The following IQCH variants were observed in gnomAD, a reference collection of about 807,000 sequenced individuals.
IQCH encodes IQ motif containing H.
A neutral mutation model predicts 117.0 loss-of-function variants in IQCH; 98 were observed. That is an observed-to-expected ratio of 0.84 (90% confidence interval 0.71 to 0.99). The LOEUF (loss-of-function observed/expected upper bound fraction) is 0.99, where lower values mean the gene tolerates loss of function less well. Ranked by LOEUF, IQCH falls within the 50% of genes least tolerant of loss-of-function variation. The pLI, the probability that IQCH is intolerant of heterozygous loss-of-function variation, is 0.00. For missense variants in IQCH, 1,102 were observed against 1,243.8 expected (o/e 0.89, Z 1.72); for synonymous variants, 412 against 448.2 (o/e 0.92, Z 1.02).
Position 67,501,286 on chromosome 15 carries a change from C to A in IQCH, c.*540C>A, listed in dbSNP as rs918181109. 6.6e-6 allele frequency: 1 copy of A among 151,976 alleles called. No individual in the cohort carries two copies. The highest frequency in any genetic ancestry group is 2.4e-5 in the African/African-American group (1 of 41,378). 9.4% of individuals were successfully genotyped at this position (151,976 alleles called of 1,614,324 possible). A position where few individuals can be genotyped will look rare whatever the true frequency, so the allele number is the denominator to read the frequency against. Reference sequence around the variant, plus strand: ...TATCATTCATCGTGTTTTTGTTATACCAAGCCACTATTGTCTGCTATTGTT... The same window carrying A: ...TATCATTCATCGTGTTTTTGTTATAACAAGCCACTATTGTCTGCTATTGTT... On this transcript the variant is annotated 3_prime_UTR_variant, in exon 21 of 21. Transcript: ENST00000335894. The surrounding 1 kb of genome is among the most constrained non-coding windows in gnomAD (Gnocchi z 5.2).
intron 1 of IQCH, among the ~76,000 whole-genome samples, chr15:67,260,496 T>C (rs1226739972): frequency 6.6e-6 from 1 of 152,238 alleles, no homozygotes; most frequent in Non-Finnish European, 1.5e-5. Context: ...AGACCCAGCC[T>C]GGAATGGAAA....
intron 16 of IQCH, among the ~76,000 whole-genome samples, chr15:67,444,094 C>G (rs763726755): frequency 6.6e-6 from 1 of 152,168 alleles, no homozygotes; most frequent in Non-Finnish European, 1.5e-5. Flanking sequence ...CCCCCCACAA[C>G]CACTATCACC....
intron 4 of IQCH, among the ~76,000 whole-genome samples, chr15:67,305,139 AG>A (rs1321835484): frequency 6.6e-6 from 1 of 152,120 alleles, no homozygotes; most frequent in African/African-American, 2.4e-5. Flanking sequence ...ACAATTACTG[AG>A]GTAACATCTC....
Position 67,475,152 on chromosome 15 carries a change from TGAAATA to T in IQCH, c.2677-537_2677-532del, listed in dbSNP as rs776168780. On this transcript the variant is annotated intron_variant, in intron 17 of 20. Transcript: ENST00000335894. This position sits in a 1 kb window ranked among gnomAD's most constrained non-coding sequence, Gnocchi z 5.7. ...AAAAAAGGAATTAGGGAAAAACTAATGAAATAGAAATAAAGTATGGATTTATGTTAA... is the reference window on the plus strand; with the variant it reads ...AAAAAAGGAATTAGGGAAAAACTAATGAAATAAAGTATGGATTTATGTTAA... Among the ~76,000 whole-genome samples, 22 of 152,094 alleles carry T rather than the reference TGAAATA, an allele frequency of 1.4e-4. No homozygotes were observed. Among genetic ancestry groups the T allele is most frequent in the Non-Finnish European group, 1.5e-5 (1 of 68,020 alleles).
chr15:67,440,237 A>G (rs904427902), intron 16 of IQCH, among the ~76,000 whole-genome samples: 3 of 152,230 alleles, frequency 2.0e-5, no homozygotes, highest in African/African-American at 7.2e-5. Context: ...AAAAGTTACC[A>G]ACCAAAAAAG....
chr15:67,465,023 G>T lies in IQCH; in HGVS notation c.2506-104G>T, dbSNP rs2082895218. 9.9e-7 allele frequency: 1 copy of T among 1,008,786 alleles called. No individual in the cohort carries two copies. Among genetic ancestry groups the T allele is most frequent in the Non-Finnish European group, 1.5e-6 (1 of 668,142 alleles). 62.5% of individuals were successfully genotyped at this position (1,008,786 alleles called of 1,614,324 possible). ...TACTCCATTAAGACACATGGTCACT[G>T]GTTTCACTTAGTCTGATGTAGTTTG... On this transcript the variant is annotated intron_variant, in intron 16 of 20. Coordinates refer to ENST00000335894, the MANE Select transcript of IQCH (RefSeq NM_001031715.3). The surrounding 1 kb of genome is among the most constrained non-coding windows in gnomAD (Gnocchi z 5.9).
At chr15:67,383,851 A>G (rs1596294021) in intron 10 of IQCH, among the ~76,000 whole-genome samples, 1 of 152,186 alleles carries the variant, frequency 6.6e-6, no homozygotes. Context: ...CTTTTAGATG[A>G]TTGTAAAGTC....
intron 12 of IQCH, among the ~76,000 whole-genome samples, chr15:67,392,737 A>C (rs1197946659): frequency 1.4e-5 from 2 of 143,624 alleles, no homozygotes; most frequent in Non-Finnish European, 1.5e-5. Flanking sequence ...TGTTTGCACC[A>C]CTGCACTCCA....
intron 4 of IQCH, among the ~76,000 whole-genome samples, chr15:67,319,583 T>G (rs1968016253): frequency 6.6e-6 from 1 of 152,220 alleles, no homozygotes; most frequent in Admixed American, 6.5e-5. Flanking sequence ...GTACTGATTG[T>G]GGAAATAAAG....
At chr15:67,373,804 C>T (rs1158380205) in intron 10 of IQCH, 2 of 325,734 alleles carry the variant, frequency 6.1e-6, no homozygotes, top group Non-Finnish European at 1.1e-5. Flanking sequence ...CGCCAATAAG[C>T]CAGGATATTG....
chr15:67,498,872 C>A (rs61156110), intron 20 of IQCH, among the ~76,000 whole-genome samples: 20,941 of 152,078 alleles, frequency 0.14, 1,649 homozygotes, highest in African/African-American at 0.2. Flanking sequence ...ATAATATTTG[C>A]AAATCATATA....
rs879557316 is a variant in IQCH, at chr15:67,275,229, CT to C, written c.270-4165del. On this transcript the variant is annotated intron_variant, in intron 3 of 20. Transcript: ENST00000335894. ...TCAGGAACCCAAGGTGATAGGGAAG[CT>C]GGTTGTCAACCTTGATCTCACTTTA... 2.1e-4 allele frequency among the ~76,000 whole-genome samples: 32 copies of C among 152,302 alleles called. No individual in the cohort carries two copies. In the East Asian group the frequency reaches 2.3e-3, roughly 11 times the overall value.
In IQCH at chr15:67,475,843, G is replaced by C. The variant is rs1405819191; in HGVS notation, c.2799+25G>C. 1.9e-6 allele frequency: 3 copies of C among 1,609,796 alleles called. No homozygotes were observed. The highest frequency in any genetic ancestry group is 2.5e-6 in the Non-Finnish European group (3 of 1,176,932). On this transcript the variant is annotated intron_variant, in intron 18 of 20. Coordinates refer to ENST00000335894, the MANE Select transcript of IQCH (RefSeq NM_001031715.3). This position sits in a 1 kb window ranked among gnomAD's most constrained non-coding sequence, Gnocchi z 5.7. ...GGTATGAAGGGTTACAGTTGGCCAG[G>C]GGCGGCCAAAGACATGCCTGTGGGT...
rs1386169606 is a variant in IQCH at position 67,395,460 on chromosome 15, A to G, written c.1802A>G (p.Glu601Gly). The change falls in exon 13 of 21, where the codon GAA becomes GGA. Residue 601 changes from glutamate (E) to glycine (G), a missense_variant. Physicochemically the swap from Glu to Gly is moderately conservative, Grantham distance 98. Transcript: ENST00000335894. The surrounding 1 kb of genome is among the most constrained non-coding windows in gnomAD (Gnocchi z 4.0). ...LDIPILGSEPELAHLYSTKSG... is the reference protein window; with the variant it reads ...LDIPILGSEPGLAHLYSTKSG... ...ATACCCATCCTGGGCTCTGAGCCTG[A>G]ACTAGCTCATCTTTATAGTACCAAA... 6.2e-7 allele frequency: 1 copy of G among 1,614,082 alleles called. No homozygotes were observed. The highest frequency in any genetic ancestry group is 1.7e-5 in the Admixed American group (1 of 60,006).
chr15:67,456,148 GA>G lies in IQCH; in HGVS notation c.2506-8978del, dbSNP rs1349882427. Among the ~76,000 whole-genome samples, 1 of 147,276 alleles carries G rather than the reference GA, an allele frequency of 6.8e-6. No individual in the cohort carries two copies. The highest frequency in any genetic ancestry group is 1.5e-5 in the Non-Finnish European group (1 of 66,452). On this transcript the variant is annotated intron_variant, in intron 16 of 20. Transcript: ENST00000335894. The surrounding 1 kb of genome is among the most constrained non-coding windows in gnomAD (Gnocchi z 5.1). ...AGCAAGAGTATATTAAAAGATTTGT[GA>G]TTTTTTTTTACAAAGGTGAAAAGTA...
intron 4 of IQCH, among the ~76,000 whole-genome samples, chr15:67,314,867 T>A (rs1159788890): frequency 6.6e-6 from 1 of 152,132 alleles, no homozygotes; most frequent in East Asian, 1.9e-4. Context: ...TCGAAGAAAA[T>A]ATTCTTTAGG....
rs992681786 is a variant in IQCH, at chr15:67,359,860, G to A, written c.728G>A (p.Arg243Lys). The A allele has an allele frequency of 3.1e-6, 5 of 1,589,776 alleles. No individual in the cohort carries two copies. Among genetic ancestry groups the A allele is most frequent in the African/African-American group, 2.7e-5 (2 of 73,920 alleles). ...KKQRSKGKSR[R>K]SRGHHDRKAM... ...TCTTCATTGTAGGGGAAAAGCAGAA[G>A]GTCAAGAGGACATCATGATAGGAAG... is the stretch of plus-strand genomic sequence containing the variant. The change falls in exon 8 of 21, where the codon AGG becomes AAG. Residue 243 changes from arginine to lysine, a missense_variant. Arg to Lys is a conservative substitution (Grantham distance 26). Around this residue, in one of 2 missense-constraint regions of IQCH, gnomAD observed 452 missense variants for 449.6 expected, o/e 1.01. Coordinates refer to ENST00000335894, the MANE Select transcript of IQCH (RefSeq NM_001031715.3). This position sits in a 1 kb window ranked among gnomAD's most constrained non-coding sequence, Gnocchi z 4.5.
In IQCH at chr15:67,279,558, G is replaced by A. The variant is rs191801163; in HGVS notation, c.387+46G>A. 36 of 1,129,910 alleles carry A rather than the reference G, an allele frequency of 3.2e-5. No homozygotes were observed. The East Asian group carries it at 7.7e-4, about 24-fold the overall frequency. The allele number at this position is 1,129,910 out of a possible 1,614,324, so 70.0% of individuals were successfully genotyped here. A position where few individuals can be genotyped will look rare whatever the true frequency, so the allele number is the denominator to read the frequency against. On this transcript the variant is annotated intron_variant, in intron 4 of 20. Transcript: ENST00000335894. ...AGAGACAGAAAGTAGTTTAGTGATT[G>A]CCAGGGGCTGGGAGGAGCAGAGACT...
At chr15:67,354,707 C>T (rs539528602) in intron 6 of IQCH, among the ~76,000 whole-genome samples, 1 of 152,138 alleles carries the variant, frequency 6.6e-6, no homozygotes, top group Non-Finnish European at 1.5e-5. Context: ...CAGAAAAATA[C>T]CAGTGGCCTA....
Sources: allele counts gnomAD v4.1 joint callset (sites outside exome capture counted in the v4.1 genomes callset), GRCh38; gene constraint gnomAD v4.1.1; regional missense constraint gnomAD v4.1.1; non-coding constraint Gnocchi (gnomAD v3.1); transcripts MANE v1.5; gene names NCBI Gene and HGNC (gene_info 2026-07-23, HGNC 2026-07-21).